Variants in SH3BP5L observed in about 807,000 individuals in gnomAD.
SH3BP5L encodes the protein SH3 binding domain protein 5 like, also known as SH3 domain-binding protein 5-like.
SH3BP5L carries 16 observed loss-of-function variants against 40.9 expected under a neutral mutation model. The observed-to-expected ratio is 0.39, with a 90% CI of 0.27 to 0.59. The LOEUF (loss-of-function observed/expected upper bound fraction) is 0.59, where lower values mean the gene tolerates loss of function less well. Among genes scored for constraint, SH3BP5L ranks in the 20% least tolerant of loss-of-function variants. SH3BP5L has a pLI of 0.53. For missense variants in SH3BP5L, 471 were observed against 544.6 expected, an observed-to-expected ratio of 0.86 and a Z score of 1.35; for synonymous variants, 229 against 226.7, an observed-to-expected ratio of 1.01 and a Z score of -0.09.
rs778403707 is a variant in SH3BP5L, at chr1:248,812,942, T to C, written c.711+47A>G. On this transcript the variant is annotated intron_variant, in intron 6 of 6. Transcript: ENST00000366472. The surrounding 1 kb of genome is among the most constrained non-coding windows in gnomAD (Gnocchi z 6.1). Reference sequence around the variant, plus strand: ...AGGCCGACCAGCATCCCCTCCAGCCTGCACCCCCACCTACCCATTCCTCCT... The same window carrying C: ...AGGCCGACCAGCATCCCCTCCAGCCCGCACCCCCACCTACCCATTCCTCCT... 141 of 1,515,224 alleles carry C rather than the reference T, an allele frequency of 9.3e-5. No individual in the cohort carries two copies. The highest frequency in any genetic ancestry group is 1.6e-5 in the Non-Finnish European group (18 of 1,119,876). The allele number at this position is 1,515,224 out of a possible 1,614,324, so 93.9% of individuals were successfully genotyped here. A position where few individuals can be genotyped will look rare whatever the true frequency, so the allele number is the denominator to read the frequency against.
At chr1:248,824,668 T>A in intron 2 of SH3BP5L, 85 bp downstream of exon 2, 1 of 1,497,032 alleles carries the variant, frequency 6.7e-7, no homozygotes, top group East Asian at 2.3e-5. Flanking sequence ...GGGGACAGAG[T>A]AAGTCTAAGC....
chr1:248,824,645 G>A (rs1325178746), intron 2 of SH3BP5L, 108 bp downstream of exon 2: 7 of 1,343,696 alleles, frequency 5.2e-6, no homozygotes, highest in Non-Finnish European at 6.1e-6. Context: ...CTCCTTTCCT[G>A]CCCCAGCAGA....
Position 248,824,941 on chromosome 1 carries a change from C to T in SH3BP5L, c.-6G>A, listed in dbSNP as rs1388421542. 1 of 1,611,280 alleles carries T rather than the reference C, an allele frequency of 6.2e-7. No individual in the cohort carries two copies. Among genetic ancestry groups the T allele is most frequent in the Non-Finnish European group, 8.5e-7 (1 of 1,178,906 alleles). ...ACCTGTCTGAGCTCAGCCATGCTGA[C>T]AGGGGGAGGGCAGAGCCCTATGCAC... is the stretch of plus-strand genomic sequence containing the variant. On this transcript the variant is annotated 5_prime_UTR_variant, in exon 2 of 7. Transcript: ENST00000366472.
rs1430812595 is a variant in SH3BP5L at position 248,821,624 on chromosome 1, G to A, written c.183+3129C>T. Among the ~76,000 whole-genome samples the A allele has an allele frequency of 6.6e-6, 1 of 152,044 alleles. No homozygotes were observed. Among genetic ancestry groups the A allele is most frequent in the African/African-American group, 2.4e-5 (1 of 41,388 alleles). ...AGAATGCAACCACTAAGAGGGGGCTGAGAAAGTCACAGAACAGACCCAGGT... is the reference window on the plus strand; with the variant it reads ...AGAATGCAACCACTAAGAGGGGGCTAAGAAAGTCACAGAACAGACCCAGGT... On this transcript the variant is annotated intron_variant, in intron 2 of 6. Transcript: ENST00000366472. This position sits in a 1 kb window ranked among gnomAD's most constrained non-coding sequence, Gnocchi z 4.6.
intron 1 of SH3BP5L, 109 bp from the exon 2 acceptor site, chr1:248,825,475 C>T (rs1182262028): frequency 5.3e-6 from 4 of 756,748 alleles, no homozygotes; most frequent in African/African-American, 1.9e-5. Context: ...ACCACGCCCC[C>T]ACCCATGTAT....
chr1:248,816,315 T>G, intron 4 of SH3BP5L: 1 of 545,524 alleles, frequency 1.8e-6, no homozygotes, highest in Non-Finnish European at 3.3e-6. Flanking sequence ...AACTAAATAT[T>G]CTCCCACAGC....
At chr1:248,824,265 T>C (rs1418090943) in intron 2 of SH3BP5L, among the ~76,000 whole-genome samples, 1 of 152,202 alleles carries the variant, frequency 6.6e-6, no homozygotes, top group African/African-American at 2.4e-5. Context: ...AAACACATTA[T>C]CAGAGCAATG....
chr1:248,811,898 G>A lies in SH3BP5L; in HGVS notation c.*2C>T, dbSNP rs781341288. The A allele has an allele frequency of 1.1e-5, 17 of 1,511,568 alleles. No individual in the cohort carries two copies. Among genetic ancestry groups the A allele is most frequent in the Non-Finnish European group, 1.2e-5 (14 of 1,125,554 alleles). 93.6% of individuals were successfully genotyped at this position (1,511,568 alleles called of 1,614,324 possible). A position where few individuals can be genotyped will look rare whatever the true frequency, so the allele number is the denominator to read the frequency against. ...TTCAAGCCAGGAACCCTGGCCCCTCGGCTACAGGCTGACGCTGCGCTGGTG... is the reference window on the plus strand; with the variant it reads ...TTCAAGCCAGGAACCCTGGCCCCTCAGCTACAGGCTGACGCTGCGCTGGTG... On this transcript the variant is annotated 3_prime_UTR_variant, in exon 7 of 7. Transcript: ENST00000366472.
intron 5 of SH3BP5L, 62 bp downstream of exon 5, chr1:248,814,387 A>C: frequency 6.4e-7 from 1 of 1,570,356 alleles, no homozygotes; most frequent in Admixed American, 1.7e-5. Flanking sequence ...TGAGGTGATA[A>C]AGACATAGCA....
rs1663918475 is a variant in SH3BP5L at position 248,811,463 on chromosome 1, A to T, written c.*437T>A. The T allele has an allele frequency of 6.1e-6, 1 of 163,440 alleles. No homozygotes were observed. Among genetic ancestry groups the T allele is most frequent in the African/African-American group, 2.4e-5 (1 of 41,832 alleles). The allele number at this position is 163,440 out of a possible 1,614,324, so 10.1% of individuals were successfully genotyped here. A position where few individuals can be genotyped will look rare whatever the true frequency, so the allele number is the denominator to read the frequency against. The stretch of plus-strand genomic sequence containing the variant: ...GGGGGCGGGGCTGGAAACCAACGGG[A>T]GGGGTGACTGTCCATCCCCTCCGAC... On this transcript the variant is annotated 3_prime_UTR_variant, in exon 7 of 7. Coordinates refer to ENST00000366472, the MANE Select transcript of SH3BP5L (RefSeq NM_030645.3).
chr1:248,815,600 C>G (rs530410647), intron 4 of SH3BP5L, among the ~76,000 whole-genome samples: 1 of 152,258 alleles, frequency 6.6e-6, no homozygotes, highest in East Asian at 1.9e-4. Context: ...CATATGCAAA[C>G]CAACCACCTA....
intron 4 of SH3BP5L, chr1:248,815,897 C>G (rs1664092327): frequency 6.5e-6 from 1 of 153,392 alleles, no homozygotes; most frequent in African/African-American, 2.4e-5. Context: ...CCGTGTGGCC[C>G]TGCATGGCAT....
At chr1:248,818,294 G>A (rs1046277443) in intron 2 of SH3BP5L, among the ~76,000 whole-genome samples, 3 of 152,020 alleles carry the variant, frequency 2.0e-5, no homozygotes, top group Non-Finnish European at 4.4e-5. Flanking sequence ...ATTGCAGTAA[G>A]CCCAGATCGT....
chr1:248,815,324 GTA>G (rs1156294013), intron 4 of SH3BP5L, among the ~76,000 whole-genome samples: 2 of 152,120 alleles, frequency 1.3e-5, no homozygotes, highest in Non-Finnish European at 2.9e-5. Flanking sequence ...CGGCTTGGAT[GTA>G]TAGTTATTGA....
At position 248,825,881 on chromosome 1, in the gene SH3BP5L, T is replaced by TGCCCC; in HGVS notation, c.-479_-478insGGGGC. ...CGGAGCTTCTATGCTGCAAACAATC[T>TGCCCC]CCCCCCCTCCCTCCCCGCAACAAGC... On this transcript the variant is annotated 5_prime_UTR_variant, in exon 1 of 7. Coordinates refer to ENST00000366472, the MANE Select transcript of SH3BP5L (RefSeq NM_030645.3). 22 of 941,878 alleles carry TGCCCC rather than the reference T, an allele frequency of 2.3e-5. No homozygotes were observed. Among genetic ancestry groups the TGCCCC allele is most frequent in the Middle Eastern group, 5.5e-4 (1 of 1,834 alleles). 58.3% of individuals were successfully genotyped at this position (941,878 alleles called of 1,614,324 possible).
At position 248,816,888 on chromosome 1, in the gene SH3BP5L, C is replaced by T; in HGVS notation, c.184-4G>A. The T allele has an allele frequency of 6.2e-7, 1 of 1,614,178 alleles. No individual in the cohort carries two copies. Among genetic ancestry groups the T allele is most frequent in the Non-Finnish European group, 8.5e-7 (1 of 1,180,020 alleles). ...GGTTCAGGTGCTCCAACTCCTCCTG[C>T]CACAGAGAGGGGTGGCAAATTAGTG... On this transcript the variant is annotated splice_polypyrimidine_tract_variant and splice_region_variant and intron_variant, in intron 2 of 6. Transcript: ENST00000366472.
chr1:248,825,866 A>G lies in SH3BP5L; in HGVS notation c.-463T>C. 1 of 969,340 alleles carries G rather than the reference A, an allele frequency of 1.0e-6. No individual in the cohort carries two copies. Among genetic ancestry groups the G allele is most frequent in the Non-Finnish European group, 1.2e-6 (1 of 822,216 alleles). The allele number at this position is 969,340 out of a possible 1,614,324, so 60.0% of individuals were successfully genotyped here. ...TTACCTTCCCGTCCGCGGAGCTTCT[A>G]TGCTGCAAACAATCTCCCCCCCTCC... On this transcript the variant is annotated 5_prime_UTR_variant, in exon 1 of 7. Coordinates refer to ENST00000366472, the MANE Select transcript of SH3BP5L (RefSeq NM_030645.3).
intron 2 of SH3BP5L, chr1:248,817,143 T>C (rs1664131866): frequency 1.7e-6 from 2 of 1,173,126 alleles, no homozygotes; most frequent in Admixed American, 2.1e-5. Flanking sequence ...GATGAAGAAA[T>C]TGAGGTTTGG....
At chr1:248,816,688 G>A in intron 3 of SH3BP5L, 26 bp from the exon 4 acceptor site, 1 of 1,613,982 alleles carries the variant, frequency 6.2e-7, no homozygotes, top group Non-Finnish European at 8.5e-7. Flanking sequence ...GCAGAGGAAA[G>A]GCACATGTTT....
Sources: gnomAD v4.1 joint callset for allele counts (sites outside exome capture counted in the v4.1 genomes callset) on GRCh38, gnomAD v4.1.1 for gene constraint, Gnocchi (gnomAD v3.1) non-coding constraint, MANE v1.5 for transcripts, NCBI Gene and HGNC (gene_info 2026-07-23, HGNC 2026-07-21) for gene names.